Variants in MUSK observed in about 807,000 individuals in gnomAD.
MUSK encodes the protein muscle, skeletal receptor tyrosine-protein kinase.
Under a neutral mutation model 88.7 loss-of-function variants are expected in MUSK, and 55 were observed. The ratio of observed to expected loss-of-function variants is 0.62; its 90% CI spans 0.50 to 0.78. The LOEUF (loss-of-function observed/expected upper bound fraction) is 0.78, where lower values mean the gene tolerates loss of function less well. Among genes scored for constraint, MUSK ranks in the 30% least tolerant of loss-of-function variants. The pLI, the probability that MUSK is intolerant of heterozygous loss-of-function variation, is 0.00. For missense variants in MUSK, 1,015 were observed against 1,074.3 expected, an observed-to-expected ratio of 0.94 and a Z score of 0.77; for synonymous variants, 387 against 391.9, an observed-to-expected ratio of 0.99 and a Z score of 0.15.
In MUSK at chr9:110,762,188, T is replaced by G. The variant is rs146206123; in HGVS notation, c.914-14T>G. The G allele has an allele frequency of 2.7e-3, 3,865 of 1,443,432 alleles. 5 individuals are homozygous for G. The highest frequency in any genetic ancestry group is 3.3e-3 in the Non-Finnish European group (3,561 of 1,093,036). 89.4% of individuals were successfully genotyped at this position (1,443,432 alleles called of 1,614,324 possible). On this transcript the variant is annotated splice_polypyrimidine_tract_variant and intron_variant, in intron 7 of 14. Coordinates refer to ENST00000374448, the MANE Select transcript of MUSK (RefSeq NM_005592.4). ...AATTTGACTTCCTGTGGGAACTTCCTTTCCTGTTAATAGAATGGAGGTAAG... is the reference window on the plus strand; with the variant it reads ...AATTTGACTTCCTGTGGGAACTTCCGTTCCTGTTAATAGAATGGAGGTAAG...
chr9:110,709,678 A>G (rs1235878116), intron 5 of MUSK, among the ~76,000 whole-genome samples: 1 of 152,194 alleles, frequency 6.6e-6, no homozygotes, highest in Non-Finnish European at 1.5e-5. Flanking sequence ...TCCCTTTTCC[A>G]TGTGTCATCT....
intron 3 of MUSK, among the ~76,000 whole-genome samples, chr9:110,690,450 A>G (rs2076328872): frequency 1.6e-5 from 1 of 62,064 alleles, no homozygotes; most frequent in Admixed American, 2.2e-4. Flanking sequence ...AAGTATATAT[A>G]AATATATATT....
chr9:110,692,785 G>T (rs1223704602), intron 3 of MUSK, among the ~76,000 whole-genome samples: 2 of 151,702 alleles, frequency 1.3e-5, no homozygotes, highest in Non-Finnish European at 2.9e-5. Context: ...AAGCTTCTAA[G>T]GATATCACTA....
chr9:110,773,995 T>C (rs1175784316), intron 9 of MUSK, among the ~76,000 whole-genome samples: 2 of 152,176 alleles, frequency 1.3e-5, no homozygotes, highest in African/African-American at 4.8e-5. Flanking sequence ...TAATATGCCC[T>C]AAACATTGTG....
chr9:110,761,121 A>G (rs2077391690), intron 7 of MUSK, among the ~76,000 whole-genome samples: 1 of 152,110 alleles, frequency 6.6e-6, no homozygotes, highest in African/African-American at 2.4e-5. Context: ...ATTTACAAGA[A>G]AGAAAATGGA....
chr9:110,696,515 T>C (rs1293314635), intron 4 of MUSK, among the ~76,000 whole-genome samples: 1 of 152,326 alleles, frequency 6.6e-6, no homozygotes, highest in African/African-American at 2.4e-5. Context: ...AGCTTTGCTT[T>C]ATTTAAAATA....
Position 110,733,573 on chromosome 9 carries a change from C to CT in MUSK, c.629-666dup, listed in dbSNP as rs5899913. Among the ~76,000 whole-genome samples, 841 of 144,246 alleles carry CT rather than the reference C, an allele frequency of 5.8e-3. 6 individuals are homozygous for CT. Among genetic ancestry groups the CT allele is most frequent in the African/African-American group, 0.015 (573 of 39,510 alleles). 94.6% of individuals were successfully genotyped at this position (144,246 alleles called of 152,430 possible). On this transcript the variant is annotated intron_variant, in intron 5 of 14. Coordinates refer to ENST00000374448, the MANE Select transcript of MUSK (RefSeq NM_005592.4). ...CTGCCTACACTTTATCTAAAATATC[C>CT]TTTTTTTTTTTTGCCCAATATATCA...
At chr9:110,683,307 G>C (rs781171158) in intron 2 of MUSK, among the ~76,000 whole-genome samples, 6 of 152,006 alleles carry the variant, frequency 3.9e-5, no homozygotes, top group Non-Finnish European at 8.8e-5. Context: ...CAAATGACTG[G>C]ATCTCATTCT....
intron 9 of MUSK, among the ~76,000 whole-genome samples, chr9:110,771,955 A>G (rs2077582156): frequency 6.6e-6 from 1 of 152,142 alleles, no homozygotes; most frequent in African/African-American, 2.4e-5. Context: ...CCATTTTGTT[A>G]ACGAGTTGTT....
intron 5 of MUSK, chr9:110,728,613 T>C (rs944674146): frequency 1.2e-5 from 11 of 944,280 alleles, no homozygotes; most frequent in Non-Finnish European, 1.8e-5. Flanking sequence ...TGGTCAAAGA[T>C]TTCCCTTTTC....
intron 11 of MUSK, among the ~76,000 whole-genome samples, chr9:110,778,264 G>A (rs1250093957): frequency 1.1e-4 from 16 of 151,990 alleles, no homozygotes; most frequent in Non-Finnish European, 4.4e-5. Flanking sequence ...TTTTTGAGCA[G>A]GCAATGCCTT....
At chr9:110,764,328 C>T (rs1264515610) in intron 8 of MUSK, among the ~76,000 whole-genome samples, 1 of 152,140 alleles carries the variant, frequency 6.6e-6, no homozygotes, top group African/African-American at 2.4e-5. Flanking sequence ...ACAGAAGACA[C>T]CAATGGAAAT....
chr9:110,710,217 T>C (rs2076650644), intron 5 of MUSK, among the ~76,000 whole-genome samples: 1 of 152,208 alleles, frequency 6.6e-6, no homozygotes, highest in South Asian at 2.1e-4. Flanking sequence ...CATGCTTTAG[T>C]ATCAGACAGA....
chr9:110,788,915 A>G (rs1235485803), intron 14 of MUSK, among the ~76,000 whole-genome samples: 1 of 152,202 alleles, frequency 6.6e-6, no homozygotes, highest in Admixed American at 6.5e-5. Flanking sequence ...TTGCAAAGGT[A>G]CTGTGGCAAG....
At chr9:110,786,532 T>C (rs774594875) in intron 13 of MUSK, among the ~76,000 whole-genome samples, 8 of 152,094 alleles carry the variant, frequency 5.3e-5, no homozygotes, top group Admixed American at 1.3e-4. Flanking sequence ...ATTAGTAATA[T>C]AGTTCAATAA....
intron 5 of MUSK, among the ~76,000 whole-genome samples, chr9:110,717,819 A>G (rs1007170376): frequency 5.1e-5 from 7 of 137,510 alleles, no homozygotes; most frequent in Admixed American, 2.1e-4. Context: ...ATTCTTTGGT[A>G]GGTAACAGAG....
intron 4 of MUSK, among the ~76,000 whole-genome samples, chr9:110,696,963 C>T (rs947704626): frequency 3.3e-5 from 5 of 150,828 alleles, no homozygotes; most frequent in Non-Finnish European, 5.9e-5. Context: ...CAACATTTCC[C>T]CCTTCTAAAA....
rs1287375718 is a variant in MUSK, at chr9:110,747,642, T to TTTC, written c.760_762dup (p.Ser254dup). The TTTC allele has an allele frequency of 6.2e-7, 1 of 1,609,560 alleles. No homozygotes were observed. The highest frequency in any genetic ancestry group is 8.5e-7 in the Non-Finnish European group (1 of 1,176,514). On this transcript the variant is annotated inframe_insertion and splice_region_variant, in exon 7 of 15. Coordinates refer to ENST00000374448, the MANE Select transcript of MUSK (RefSeq NM_005592.4). ...TTTTATTTTCCTTTACTCTGTCAGGTTTCTTCTGGGTCCATTCAAGAGAGT... is the reference window on the plus strand; with the variant it reads ...TTTTATTTTCCTTTACTCTGTCAGGTTTCTTCTTCTGGGTCCATTCAAGAGAGT...
At position 110,721,354 on chromosome 9, in the gene MUSK, C is replaced by CA. The variant is rs527723607; in HGVS notation, c.629-12891dup. Among the ~76,000 whole-genome samples the CA allele has an allele frequency of 1.4e-3, 217 of 152,100 alleles. 2 individuals carry two copies. The highest frequency in any genetic ancestry group is 0.01 in the Middle Eastern group (3 of 294). Reference sequence around the variant, plus strand: ...ACCTAGAAAACCCTAAAGACTCATCCAAAAAACTCTTAGAACTGGTAGATG... The same window carrying CA: ...ACCTAGAAAACCCTAAAGACTCATCCAAAAAAACTCTTAGAACTGGTAGATG... On this transcript the variant is annotated intron_variant, in intron 5 of 14. Transcript: ENST00000374448.
Sources: allele counts gnomAD v4.1 joint callset (sites outside exome capture counted in the v4.1 genomes callset), GRCh38; gene constraint gnomAD v4.1.1; transcripts MANE v1.5; gene names NCBI Gene and HGNC (gene_info 2026-07-23, HGNC 2026-07-21).